Variants in FAAH2 observed in about 807,000 individuals in gnomAD.
The protein encoded by FAAH2 is fatty acid amide hydrolase 2.
In FAAH2, 60 loss-of-function variants were observed where a neutral mutation model predicts 36.9. The ratio of observed to expected loss-of-function variants is 1.63; its 90% CI spans 1.32 to 2.02. FAAH2 has a LOEUF of 2.02. Ranked by LOEUF, FAAH2 falls within the 30% of genes most tolerant of loss-of-function variation. The pLI is 0.00. For synonymous variants in FAAH2, 214 were observed against 143.8 expected, an observed-to-expected ratio of 1.49 and a Z score of -3.49; for missense variants, 689 against 397.5, an observed-to-expected ratio of 1.73 and a Z score of -6.23.
At chrX:57,148,641 C>T in the FAAH2 span, among the ~76,000 whole-genome samples, 22 of 111,911 alleles carry the variant, frequency 2.0e-4, no homozygotes, top group Middle Eastern at 4.6e-3. Context: ...AGTTGCTTAT[C>T]GGCTTAAGGA....
At chrX:57,214,523 T>G in the FAAH2 span, among the ~76,000 whole-genome samples, 1 of 110,914 alleles carries the variant, frequency 9.0e-6, no homozygotes, top group Non-Finnish European at 1.9e-5. Flanking sequence ...ACCTCTTGAG[T>G]TCAAGCGATT....
At chrX:57,224,662 A>C in the FAAH2 span, among the ~76,000 whole-genome samples, 1 of 112,354 alleles carries the variant, frequency 8.9e-6, no homozygotes, top group Non-Finnish European at 1.9e-5. Flanking sequence ...TCTGGGAACA[A>C]TGTAGCAGTT....
chrX:57,194,812 A>T, the FAAH2 span, among the ~76,000 whole-genome samples: 1 of 110,932 alleles, frequency 9.0e-6, no homozygotes, highest in Admixed American at 9.6e-5. Flanking sequence ...CATATCTCCT[A>T]CTTATAAGTG....
the FAAH2 span, among the ~76,000 whole-genome samples, chrX:57,242,623 G>T: frequency 1.8e-5 from 2 of 111,557 alleles, no homozygotes; most frequent in African/African-American, 6.5e-5. Flanking sequence ...CAGAAACAGG[G>T]TGGGGCATCA....
rs61323098 is a variant in FAAH2 at position 57,347,604 on chromosome X, GTTTTTTTT to G, written c.742+6240_742+6247del. Reference sequence around the variant, plus strand: ...TTATTTGGAGGTAAGGGGATGCTAAGTTTTTTTTTTTTTTTTTTTTTTTTTTTTTTTTT... The same window carrying G: ...TTATTTGGAGGTAAGGGGATGCTAAGTTTTTTTTTTTTTTTTTTTTTTTTT... On this transcript the variant is annotated intron_variant, in intron 5 of 10. Transcript: ENST00000374900. Among the ~76,000 whole-genome samples the G allele has an allele frequency of 6.7e-3, 518 of 77,827 alleles. 29 individuals are homozygous for G. The highest frequency in any genetic ancestry group is 0.013 in the African/African-American group (196 of 15,353). The allele number at this position is 77,827 out of a possible 115,157, so 67.6% of individuals were successfully genotyped here.
chrX:57,122,310 C>T, the FAAH2 span, among the ~76,000 whole-genome samples: 1 of 111,315 alleles, frequency 9.0e-6, no homozygotes, highest in South Asian at 3.7e-4. Flanking sequence ...TCGATTTTTT[C>T]ATTCAACAAA....
At chrX:57,239,448 C>A in the FAAH2 span, among the ~76,000 whole-genome samples, 3 of 104,632 alleles carry the variant, frequency 2.9e-5, no homozygotes, top group East Asian at 9.0e-4. Flanking sequence ...CTTTTGTGAG[C>A]AACCTGTCCC....
chrX:57,420,137 T>C (rs1234029084), intron 7 of FAAH2, among the ~76,000 whole-genome samples: 1 of 111,912 alleles, frequency 8.9e-6, no homozygotes, highest in Non-Finnish European at 1.9e-5. Flanking sequence ...TAGTGTAGTT[T>C]GAAGTCAGGT....
At chrX:57,164,391 A>C in the FAAH2 span, among the ~76,000 whole-genome samples, 9 of 112,490 alleles carry the variant, frequency 8.0e-5, no homozygotes, top group South Asian at 1.9e-3. Flanking sequence ...GACCCTCAAC[A>C]AAATGCATTC....
chrX:57,153,496 G>A, the FAAH2 span, among the ~76,000 whole-genome samples: 22 of 111,859 alleles, frequency 2.0e-4, no homozygotes, highest in African/African-American at 6.8e-4. Flanking sequence ...TTGTTTTGAT[G>A]TGTTTCCAGG....
intron 2 of FAAH2, among the ~76,000 whole-genome samples, chrX:57,309,570 G>A (rs1436805374): frequency 9.0e-6 from 1 of 111,606 alleles, no homozygotes; most frequent in East Asian, 2.8e-4. Flanking sequence ...TCACCTAAGT[G>A]TTGAGTCCAG....
intron 3 of FAAH2, among the ~76,000 whole-genome samples, chrX:57,315,453 C>A (rs1569251911): frequency 9.0e-6 from 1 of 111,493 alleles, no homozygotes; most frequent in East Asian, 2.8e-4. Flanking sequence ...AGAGACACAA[C>A]AGAAAACAAA....
chrX:57,337,221 C>T (rs753633811), intron 4 of FAAH2, among the ~76,000 whole-genome samples: 1 of 75,703 alleles, frequency 1.3e-5, no homozygotes, highest in African/African-American at 5.6e-5. Flanking sequence ...CTAAATAGAA[C>T]AATAATGAGT....
Position 57,380,824 on chromosome X carries a change from A to T in FAAH2, c.879-88A>T, listed in dbSNP as rs1255719432. 7.3e-6 allele frequency: 4 copies of T among 547,918 alleles called. No individual in the cohort carries two copies. The African/African-American group carries it at 9.6e-5, about 13-fold the overall frequency. 45.2% of individuals were successfully genotyped at this position (547,918 alleles called of 1,213,427 possible). A position where few individuals can be genotyped will look rare whatever the true frequency, so the allele number is the denominator to read the frequency against. On this transcript the variant is annotated intron_variant, in intron 6 of 10. Transcript: ENST00000374900. Reference sequence around the variant, plus strand: ...CAGTGCTCAGGGAAAAAAATACTTCATTAGAGCTGAAGCTCAGATGTCAGG... The same window carrying T: ...CAGTGCTCAGGGAAAAAAATACTTCTTTAGAGCTGAAGCTCAGATGTCAGG...
chrX:57,183,048 G>A, the FAAH2 span, among the ~76,000 whole-genome samples: 1 of 110,704 alleles, frequency 9.0e-6, no homozygotes, highest in Non-Finnish European at 1.9e-5. Flanking sequence ...AACAGACATG[G>A]AGGCCTACCT....
intron 5 of FAAH2, among the ~76,000 whole-genome samples, chrX:57,343,471 C>G (rs887956594): frequency 3.6e-5 from 4 of 111,070 alleles, no homozygotes; most frequent in Non-Finnish European, 7.6e-5. Context: ...TGATTATTTA[C>G]TTTTTGCTTG....
intron 3 of FAAH2, among the ~76,000 whole-genome samples, chrX:57,328,045 T>A (rs2053272151): frequency 8.9e-6 from 1 of 112,240 alleles, no homozygotes; most frequent in Non-Finnish European, 1.9e-5. Flanking sequence ...ATTTGTTAGT[T>A]TTCCTTCTAA....
At chrX:57,269,098 G>A in the FAAH2 span, among the ~76,000 whole-genome samples, 7 of 111,462 alleles carry the variant, frequency 6.3e-5, no homozygotes, top group South Asian at 3.7e-4. Flanking sequence ...TCTTGACAAA[G>A]TAGAACTGAC....
the FAAH2 span, among the ~76,000 whole-genome samples, chrX:57,123,212 C>T: frequency 3.6e-5 from 4 of 111,031 alleles, no homozygotes; most frequent in Non-Finnish European, 7.5e-5. Flanking sequence ...TCCATGTGTT[C>T]TCATTGTTCA....
Sources: gnomAD v4.1 joint callset for allele counts (sites outside exome capture counted in the v4.1 genomes callset) on GRCh38, gnomAD v4.1.1 for gene constraint, MANE v1.5 for transcripts, NCBI Gene and HGNC (gene_info 2026-07-23, HGNC 2026-07-21) for gene names.